ESR1: variants seen among roughly 807,000 people sequenced by gnomAD.
ESR1 encodes estrogen receptor.
A neutral mutation model predicts 52.7 loss-of-function variants in ESR1; 12 were observed. That is an observed-to-expected ratio of 0.23 (90% confidence interval 0.15 to 0.37). ESR1 has a LOEUF of 0.37. Ranked by LOEUF, ESR1 falls within the 10% of genes least tolerant of loss-of-function variation. The pLI is 1.00. For synonymous variants in ESR1, 305 were observed against 316.8 expected, an observed-to-expected ratio of 0.96 and a Z score of 0.39; for missense variants, 584 against 779.7, an observed-to-expected ratio of 0.75 and a Z score of 2.99.
chr6:151,806,557 T>TATATATATATATACACAC (rs1554259008), upstream of ESR1, among the ~76,000 whole-genome samples: 3 of 133,790 alleles, frequency 2.2e-5, no homozygotes, highest in African/African-American at 5.6e-5. Context: ...TATATATATA[T>TATATATATATATACACAC]ACACATATAT....
chr6:152,088,837 C>T (rs1407700930), intron 6 of ESR1, among the ~76,000 whole-genome samples: 2 of 151,922 alleles, frequency 1.3e-5, no homozygotes, highest in Admixed American at 6.6e-5. Flanking sequence ...AAACACACGC[C>T]AAGAAAATTG....
At chr6:152,113,970 C>T (rs142905274) in intron 6 of ESR1, among the ~76,000 whole-genome samples, 2 of 152,234 alleles carry the variant, frequency 1.3e-5, no homozygotes, top group African/African-American at 2.4e-5. Flanking sequence ...ATGGAAGGAG[C>T]CTCTGTAAGA....
intron 5 of ESR1, among the ~76,000 whole-genome samples, chr6:152,046,811 G>C (rs2046267168): frequency 1.3e-5 from 2 of 152,196 alleles, no homozygotes; most frequent in African/African-American, 4.8e-5. Flanking sequence ...GACAGCTGCA[G>C]CTCCAAATTC....
chr6:152,021,087 G>A (rs895651177), intron 5 of ESR1, among the ~76,000 whole-genome samples: 1 of 152,108 alleles, frequency 6.6e-6, no homozygotes, highest in Non-Finnish European at 1.5e-5. Flanking sequence ...ATTAATCCTG[G>A]GTGTGTCTGT....
At chr6:151,813,119 T>C (rs1779074670) in intron 1 of ESR1, among the ~76,000 whole-genome samples, 1 of 152,106 alleles carries the variant, frequency 6.6e-6, no homozygotes, top group Admixed American at 6.6e-5. Flanking sequence ...AAACCATAAT[T>C]GCTGAATTCT....
upstream of ESR1, among the ~76,000 whole-genome samples, chr6:151,686,650 T>A (rs143553727): frequency 1.3e-5 from 2 of 151,990 alleles, no homozygotes; most frequent in East Asian, 3.9e-4. Flanking sequence ...ATGGCGCCAC[T>A]GCACTCCAGC....
intron 6 of ESR1, among the ~76,000 whole-genome samples, chr6:152,090,625 G>A (rs574656605): frequency 3.2e-4 from 49 of 152,194 alleles, no homozygotes; most frequent in Admixed American, 1.4e-3. Flanking sequence ...TCCAGCTTCC[G>A]GAAGACTCCA....
chr6:152,029,514 T>C (rs1017956011), intron 5 of ESR1, among the ~76,000 whole-genome samples: 1 of 152,182 alleles, frequency 6.6e-6, no homozygotes, highest in African/African-American at 2.4e-5. Context: ...CAGTAGCTGA[T>C]TCAATCAACT....
intron 3 of ESR1, among the ~76,000 whole-genome samples, chr6:151,906,254 A>G (rs1797438262): frequency 6.6e-6 from 1 of 152,158 alleles, no homozygotes; most frequent in Non-Finnish European, 1.5e-5. Flanking sequence ...TAAATGACAA[A>G]TTAGTTTACT....
intron 3 of ESR1, among the ~76,000 whole-genome samples, chr6:151,934,667 A>G (rs1409681483): frequency 6.6e-6 from 1 of 152,210 alleles, no homozygotes; most frequent in Non-Finnish European, 1.5e-5. Flanking sequence ...CTATTTTATT[A>G]CATCTGATAT....
At chr6:151,801,445 A>G (rs1483494284), upstream of ESR1, among the ~76,000 whole-genome samples, 2 of 152,214 alleles carry the variant, frequency 1.3e-5, no homozygotes, top group Non-Finnish European at 2.9e-5. Context: ...TCATTGACTC[A>G]TAATCAAGAA....
chr6:151,821,175 G>T (rs1780496927), intron 1 of ESR1, among the ~76,000 whole-genome samples: 1 of 148,568 alleles, frequency 6.7e-6, no homozygotes, highest in Admixed American at 6.9e-5. Context: ...ATAGATGGAG[G>T]CATGCCCAGT....
At chr6:152,105,912 C>A (rs994847478), downstream of ESR1, among the ~76,000 whole-genome samples, 9 of 150,790 alleles carry the variant, frequency 6.0e-5, no homozygotes, top group African/African-American at 1.9e-4. Context: ...CTCAGCCTCC[C>A]GAGTAGCTGG....
intron 2 of ESR1, among the ~76,000 whole-genome samples, chr6:151,782,494 A>C (rs148239334): frequency 3.1e-4 from 47 of 152,332 alleles, no homozygotes; most frequent in African/African-American, 1.1e-3. Context: ...ATGATGCTTC[A>C]ATGGATATCT....
At chr6:152,037,768 A>G (rs1456878209) in intron 5 of ESR1, among the ~76,000 whole-genome samples, 1 of 152,142 alleles carries the variant, frequency 6.6e-6, no homozygotes, top group African/African-American at 2.4e-5. Context: ...ATAGTGGTTA[A>G]GTTTAGTTGC....
intron 2 of ESR1, among the ~76,000 whole-genome samples, chr6:151,870,965 C>T (rs145972638): frequency 2.0e-5 from 3 of 152,064 alleles, no homozygotes; most frequent in African/African-American, 7.2e-5. Flanking sequence ...GATCCTCCCA[C>T]CTCAGCCTCC....
chr6:152,077,330 C>T (rs73618933), intron 6 of ESR1, among the ~76,000 whole-genome samples: 13,091 of 152,164 alleles, frequency 0.086, 1,179 homozygotes, highest in African/African-American at 0.23. Context: ...TCAGAAGATA[C>T]GTGGAAATGC....
At chr6:151,986,545 C>T (rs1215627349) in intron 4 of ESR1, among the ~76,000 whole-genome samples, 2 of 152,068 alleles carry the variant, frequency 1.3e-5, no homozygotes, top group Non-Finnish European at 2.9e-5. Context: ...ATGTAATGAA[C>T]AAAATGCACA....
At chr6:151,791,128 A>G (rs1776110065) in intron 2 of ESR1, among the ~76,000 whole-genome samples, 2 of 152,178 alleles carry the variant, frequency 1.3e-5, no homozygotes, top group African/African-American at 2.4e-5. Flanking sequence ...CACTCATTCT[A>G]TTCACATCTT....
Sources: allele counts gnomAD v4.1 joint callset (sites outside exome capture counted in the v4.1 genomes callset), GRCh38; gene constraint gnomAD v4.1.1; transcripts MANE v1.5; gene names NCBI Gene and HGNC (gene_info 2026-07-23, HGNC 2026-07-21).